Variants in RPH3A observed in about 807,000 individuals in gnomAD.
RPH3A encodes rabphilin 3A, also known as rabphilin-3A.
A neutral mutation model predicts 102.2 loss-of-function variants in RPH3A; 48 were observed. The ratio of observed to expected loss-of-function variants is 0.47; its 90% CI spans 0.37 to 0.60. The LOEUF is 0.60. Ranked by LOEUF, RPH3A falls within the 20% of genes least tolerant of loss-of-function variation. The pLI, the probability that RPH3A is intolerant of heterozygous loss-of-function variation, is 0.00. For synonymous variants in RPH3A, 310 were observed against 324.3 expected (o/e 0.96, Z 0.47); for missense variants, 781 against 910.1 (o/e 0.86, Z 1.83).
intron 16 of RPH3A, among the ~76,000 whole-genome samples, chr12:112,885,884 T>A (rs2042994693): frequency 6.6e-6 from 1 of 152,218 alleles, no homozygotes; most frequent in Non-Finnish European, 1.5e-5. Flanking sequence ...TTGGACCCAT[T>A]GTAGTTAAAT....
At chr12:112,821,291 T>C (rs1324559481) in intron 2 of RPH3A, among the ~76,000 whole-genome samples, 1 of 152,212 alleles carries the variant, frequency 6.6e-6, no homozygotes, top group Non-Finnish European at 1.5e-5. Flanking sequence ...TAGTCAACTC[T>C]GGATGCATAT....
At chr12:112,727,438 TACATACACAC>T (rs1565862374) in intron 1 of RPH3A, among the ~76,000 whole-genome samples, 6 of 31,192 alleles carry the variant, frequency 1.9e-4, no homozygotes, top group Non-Finnish European at 2.9e-4. Context: ...CACACACACA[TACATACACAC>T]ACAGACACAG....
At chr12:112,821,332 A>C (rs915638703) in intron 2 of RPH3A, among the ~76,000 whole-genome samples, 1 of 152,242 alleles carries the variant, frequency 6.6e-6, no homozygotes, top group African/African-American at 2.4e-5. Context: ...CTCAGCTTGC[A>C]TCACTGTTCA....
intron 2 of RPH3A, among the ~76,000 whole-genome samples, chr12:112,812,253 G>T (rs1438841158): frequency 6.6e-6 from 1 of 152,118 alleles, no homozygotes; most frequent in Non-Finnish European, 1.5e-5. Context: ...GAACACCACG[G>T]TCTGAGGGAA....
chr12:112,591,904 A>G (rs1326263548), intron 1 of RPH3A, among the ~76,000 whole-genome samples: 1 of 152,172 alleles, frequency 6.6e-6, no homozygotes, highest in Non-Finnish European at 1.5e-5. Context: ...GTCCCTCAGT[A>G]TCCCCGGGGT....
At chr12:112,648,598 A>AAAAAAAAAAAAAAAAG (rs2039950923) in intron 1 of RPH3A, among the ~76,000 whole-genome samples, 1 of 141,922 alleles carries the variant, frequency 7.0e-6, no homozygotes, top group Non-Finnish European at 1.5e-5. Flanking sequence ...AAAAAAAAAA[A>AAAAAAAAAAAAAAAAG]GCTAGGTGTT....
chr12:112,717,323 C>T (rs930855389), intron 1 of RPH3A, among the ~76,000 whole-genome samples: 1 of 152,162 alleles, frequency 6.6e-6, no homozygotes, highest in Non-Finnish European at 1.5e-5. Flanking sequence ...TTCTCCTACC[C>T]TCAACCTCTG....
At chr12:112,810,123 T>C (rs1025762088) in intron 2 of RPH3A, among the ~76,000 whole-genome samples, 1 of 152,196 alleles carries the variant, frequency 6.6e-6, no homozygotes, top group Non-Finnish European at 1.5e-5. Flanking sequence ...ATCTGCAAAA[T>C]CTCAATGCTT....
At chr12:112,764,106 C>G (rs1816801965) in intron 1 of RPH3A, among the ~76,000 whole-genome samples, 2 of 152,268 alleles carry the variant, frequency 1.3e-5, no homozygotes, top group East Asian at 3.9e-4. Flanking sequence ...ACTACTTTCC[C>G]CATGTAGAAC....
At position 112,828,284 on chromosome 12, in the gene RPH3A, G is replaced by A; in HGVS notation, c.-18-17G>A. The A allele has an allele frequency of 6.4e-7, 1 of 1,572,140 alleles. No individual in the cohort carries two copies. Among genetic ancestry groups the A allele is most frequent in the Non-Finnish European group, 8.7e-7 (1 of 1,143,210 alleles). ...TGAATGATGGGGTGATGTCCTCTCTGGATTGATGTTTTCCAGGAGCACTAG... is the reference window on the plus strand; with the variant it reads ...TGAATGATGGGGTGATGTCCTCTCTAGATTGATGTTTTCCAGGAGCACTAG... On this transcript the variant is annotated splice_polypyrimidine_tract_variant and intron_variant, in intron 2 of 21. Transcript: ENST00000389385.
At chr12:112,890,732 C>T (rs1593134711) in intron 18 of RPH3A, 117 bp from the exon 19 acceptor site, 1 of 1,136,542 alleles carries the variant, frequency 8.8e-7, no homozygotes, top group East Asian at 2.6e-5. Flanking sequence ...CTGGTACTGG[C>T]TCCCTAGAGC....
rs114817560 is a variant in RPH3A at position 112,701,454 on chromosome 12, G to A, written c.-139-90689G>A. Among the ~76,000 whole-genome samples the A allele has an allele frequency of 2.8e-3, 426 of 152,310 alleles. 1 individual carries two copies. Among genetic ancestry groups the A allele is most frequent in the African/African-American group, 9.6e-3 (398 of 41,570 alleles). ...CTGGGGCCTCAGTGAGCAGAATCAG[G>A]GCTAAGGTAGCTATGAGAAGGTGGG... On this transcript the variant is annotated intron_variant, in intron 1 of 21. Coordinates refer to the RPH3A transcript ENST00000543106.
intron 1 of RPH3A, among the ~76,000 whole-genome samples, chr12:112,750,175 C>A (rs2040776974): frequency 6.6e-6 from 1 of 152,138 alleles, no homozygotes; most frequent in South Asian, 2.1e-4. Flanking sequence ...GTAGAATGTG[C>A]CTAAACTAGA....
intron 1 of RPH3A, among the ~76,000 whole-genome samples, chr12:112,731,446 A>G (rs944815018): frequency 1.6e-4 from 25 of 152,220 alleles, no homozygotes; most frequent in Admixed American, 5.9e-4. Flanking sequence ...GAGCCTCAAT[A>G]AATGTCCAGC....
intron 1 of RPH3A, among the ~76,000 whole-genome samples, chr12:112,748,822 G>T (rs1018424837): frequency 9.2e-5 from 14 of 152,190 alleles, no homozygotes; most frequent in African/African-American, 3.4e-4. Context: ...CACTGTGCCA[G>T]AGGCTACGAA....
chr12:112,584,015 G>A (rs546587784), intron 1 of RPH3A, among the ~76,000 whole-genome samples: 2 of 152,130 alleles, frequency 1.3e-5, no homozygotes, highest in South Asian at 4.2e-4. Context: ...TAAATTAAAG[G>A]GCTAAATTAT....
rs1318595953 is a variant in RPH3A at position 112,776,881 on chromosome 12, A to C, written c.-139-15262A>C. 1.1e-3 allele frequency among the ~76,000 whole-genome samples: 7 copies of C among 6,264 alleles called. 1 individual carries two copies. The highest frequency in any genetic ancestry group is 4.0e-3 in the East Asian group (1 of 252). 4.1% of individuals were successfully genotyped at this position (6,264 alleles called of 152,430 possible). On this transcript the variant is annotated intron_variant, in intron 1 of 21. Transcript: ENST00000543106. ...AGAGTGAGACTCCATCTCAAAAAAA[A>C]AAAAAAAAAAAAAAAAAAAAAAAAA...
intron 1 of RPH3A, among the ~76,000 whole-genome samples, chr12:112,757,527 G>A (rs547621207): frequency 2.0e-5 from 3 of 152,122 alleles, no homozygotes; most frequent in East Asian, 3.9e-4. Flanking sequence ...TGATTACCCC[G>A]ATTTGGTCAT....
intron 2 of RPH3A, among the ~76,000 whole-genome samples, chr12:112,800,450 C>T (rs1673020093): frequency 6.6e-6 from 1 of 152,158 alleles, no homozygotes; most frequent in Non-Finnish European, 1.5e-5. Context: ...TCTGGTTAGA[C>T]AGGACCTCCC....
Sources: gnomAD v4.1 joint callset for allele counts (sites outside exome capture counted in the v4.1 genomes callset) on GRCh38, gnomAD v4.1.1 for gene constraint, MANE v1.5 for transcripts, NCBI Gene and HGNC (gene_info 2026-07-23, HGNC 2026-07-21) for gene names.